The following FCN1 variants were observed in gnomAD, a reference collection of about 807,000 sequenced individuals.
FCN1 encodes the protein ficolin 1.
FCN1 carries 42 observed loss-of-function variants against 35.6 expected under a neutral mutation model. The observed-to-expected ratio is 1.18, with a 90% CI of 0.92 to 1.53. The LOEUF is 1.53. FCN1 is among the 40% of genes most tolerant of loss of function. FCN1 has a pLI of 0.00. For missense variants in FCN1, 439 were observed against 428.4 expected (o/e 1.02, Z -0.22); for synonymous variants, 179 against 169.8 (o/e 1.05, Z -0.42).
Position 134,906,587 on chromosome 9 carries a change from G to C in FCN1, c.*3211C>G, listed in dbSNP as rs1830959984. ...ATAATTTAACTTAGAAATGCAATGAGCTCAAAGTCTCTTAAATATGCCAAT... is the reference window on the plus strand; with the variant it reads ...ATAATTTAACTTAGAAATGCAATGACCTCAAAGTCTCTTAAATATGCCAAT... On this transcript the variant is annotated 3_prime_UTR_variant, in exon 9 of 9. Transcript: ENST00000371806. The C allele has an allele frequency of 2.0e-5, 3 of 152,142 alleles. No individual in the cohort carries two copies. The highest frequency in any genetic ancestry group is 4.4e-5 in the Non-Finnish European group (3 of 68,032). The allele number at this position is 152,142 out of a possible 1,614,324, so 9.4% of individuals were successfully genotyped here.
chr9:134,910,525 TG>T (rs1831010359), intron 8 of FCN1, among the ~76,000 whole-genome samples: 1 of 152,106 alleles, frequency 6.6e-6, no homozygotes, highest in African/African-American at 2.4e-5. Context: ...ACCTGCAAAA[TG>T]GGGGTGACCT....
chr9:134,914,332 C>G, intron 4 of FCN1, 53 bp downstream of exon 4: 2 of 1,560,246 alleles, frequency 1.3e-6, no homozygotes, highest in Non-Finnish European at 1.8e-6. Flanking sequence ...TCTGAGACCC[C>G]TCCCCTGGAC....
chr9:134,914,117 A>C (rs1029171319), intron 4 of FCN1, among the ~76,000 whole-genome samples: 1 of 152,244 alleles, frequency 6.6e-6, no homozygotes, highest in South Asian at 2.1e-4. Flanking sequence ...ATAAATGAGC[A>C]TAAGTAAGAC....
chr9:134,914,574 G>A (rs1831067933), intron 3 of FCN1, among the ~76,000 whole-genome samples, 154 bp from the exon 4 acceptor site: 1 of 152,162 alleles, frequency 6.6e-6, no homozygotes, highest in Admixed American at 6.5e-5. Flanking sequence ...TGGTGGGGAG[G>A]GGCCCCGAGG....
intron 5 of FCN1, among the ~76,000 whole-genome samples, 191 bp downstream of exon 5, chr9:134,913,390 G>T (rs1433873680): frequency 6.6e-6 from 1 of 152,214 alleles, no homozygotes; most frequent in Non-Finnish European, 1.5e-5. Context: ...GCCTTCTAGG[G>T]TAGATAATAG....
chr9:134,915,213 G>C (rs77198013), intron 2 of FCN1, among the ~76,000 whole-genome samples: 1 of 152,122 alleles, frequency 6.6e-6, no homozygotes, highest in African/African-American at 2.4e-5. Flanking sequence ...CACGGAGAGG[G>C]TGGGCGCCAC....
At position 134,907,692 on chromosome 9, in the gene FCN1, G is replaced by A. The variant is rs1830971398; in HGVS notation, c.*2106C>T. 2.0e-5 allele frequency: 3 copies of A among 152,176 alleles called. No individual in the cohort carries two copies. Among genetic ancestry groups the A allele is most frequent in the Admixed American group, 1.3e-4 (2 of 15,282 alleles). The allele number at this position is 152,176 out of a possible 1,614,324, so 9.4% of individuals were successfully genotyped here. A position where few individuals can be genotyped will look rare whatever the true frequency, so the allele number is the denominator to read the frequency against. On this transcript the variant is annotated 3_prime_UTR_variant, in exon 9 of 9. Coordinates refer to ENST00000371806, the MANE Select transcript of FCN1 (RefSeq NM_002003.5). ...GCTTTTGAAAAACTTTATCTACAAT[G>A]GAATCCATAGCACATACCCTCTTGA...
At chr9:134,911,047 G>A (rs1412848993) in intron 8 of FCN1, 86 bp downstream of exon 8, 2 of 1,383,560 alleles carry the variant, frequency 1.4e-6, no homozygotes, top group Non-Finnish European at 2.0e-6. Context: ...GAGAGAGGAG[G>A]GCCCAAGGTC....
At chr9:134,912,428 C>T (rs1831034561) in intron 7 of FCN1, 58 bp downstream of exon 7, 1 of 1,565,754 alleles carries the variant, frequency 6.4e-7, no homozygotes, top group African/African-American at 1.4e-5. Context: ...TGGCCCAGGC[C>T]TAAGGGGCAG....
At chr9:134,914,496 C>T in intron 3 of FCN1, 76 bp from the exon 4 acceptor site, 1 of 1,392,672 alleles carries the variant, frequency 7.2e-7, no homozygotes, top group Non-Finnish European at 1.0e-6. Flanking sequence ...AGAGTGGGCT[C>T]CCGGCCTGGA....
At chr9:134,913,445 A>G in intron 5 of FCN1, 136 bp downstream of exon 5, 4 of 702,936 alleles carry the variant, frequency 5.7e-6, no homozygotes, top group Non-Finnish European at 9.5e-6. Context: ...ATAGCTGCCC[A>G]TTACTCGAGT....
In FCN1 at chr9:134,908,979, C is replaced by A; in HGVS notation, c.*819G>T. On this transcript the variant is annotated 3_prime_UTR_variant, in exon 9 of 9. Coordinates refer to ENST00000371806, the MANE Select transcript of FCN1 (RefSeq NM_002003.5). The stretch of plus-strand genomic sequence containing the variant: ...AATGGAGTCACACTTGCCACATTCC[C>A]TTTGATGCTTCTTAGGTCGTGGTTG... The A allele has an allele frequency of 3.0e-6, 1 of 330,126 alleles. No homozygotes were observed. Among genetic ancestry groups the A allele is most frequent in the South Asian group, 2.5e-5 (1 of 40,448 alleles). The allele number at this position is 330,126 out of a possible 1,614,324, so 20.4% of individuals were successfully genotyped here.
In FCN1 at chr9:134,909,494, C is replaced by G; in HGVS notation, c.*304G>C. 1 of 1,330,552 alleles carries G rather than the reference C, an allele frequency of 7.5e-7. No individual in the cohort carries two copies. The highest frequency in any genetic ancestry group is 9.8e-7 in the Non-Finnish European group (1 of 1,015,842). 82.4% of individuals were successfully genotyped at this position (1,330,552 alleles called of 1,614,324 possible). A position where few individuals can be genotyped will look rare whatever the true frequency, so the allele number is the denominator to read the frequency against. On this transcript the variant is annotated 3_prime_UTR_variant, in exon 9 of 9. Transcript: ENST00000371806. ...AGGGTCCTGACTCTTCCCGACTTAC[C>G]AAATTCCAGGGAAAGACCTGCCGTG...
Position 134,914,788 on chromosome 9 carries a change from G to A in FCN1, c.239C>T (p.Ala80Val), listed in dbSNP as rs759096787. ...GERGERGLPG[A>V]PGKAGPVGPK... is the part of the protein sequence containing the mutation. ...CCCCACTGGTCCTGCCTTTCCAGGG[G>A]CTCCAGGGAGACCGCGTTCTCCTGA... Residue 80 changes from alanine (A) to valine (V), a missense_variant, in exon 3 of 9, where the codon GCC (alanine) becomes GTC (valine). Ala to Val is a moderately conservative substitution (Grantham distance 64). Transcript: ENST00000371806. 3.7e-6 allele frequency: 6 copies of A among 1,612,746 alleles called. No individual in the cohort carries two copies. Among genetic ancestry groups the A allele is most frequent in the African/African-American group, 2.7e-5 (2 of 75,036 alleles).
At chr9:134,915,855 G>A (rs1408242851) in intron 2 of FCN1, among the ~76,000 whole-genome samples, 3 of 152,190 alleles carry the variant, frequency 2.0e-5, no homozygotes, top group Non-Finnish European at 4.4e-5. Flanking sequence ...AAATCCACAT[G>A]CAGAGCTCAG....
In FCN1 at chr9:134,903,704, A is replaced by G. The variant is rs888308851; in HGVS notation, c.*6094T>C. ...AAAAACTAAGATTAAAAAGAAACAA[A>G]AAACAGAAGATAAGATCTACAGGCC... is the stretch of plus-strand genomic sequence containing the variant. On this transcript the variant is annotated 3_prime_UTR_variant, in exon 9 of 9. Coordinates refer to ENST00000371806, the MANE Select transcript of FCN1 (RefSeq NM_002003.5). Among the ~76,000 whole-genome samples the G allele has an allele frequency of 6.6e-6, 1 of 152,198 alleles. No individual in the cohort carries two copies. The highest frequency in any genetic ancestry group is 2.4e-5 in the African/African-American group (1 of 41,452).
chr9:134,913,698 A>G, intron 4 of FCN1, 85 bp from the exon 5 acceptor site: 1 of 1,058,816 alleles, frequency 9.4e-7, no homozygotes, highest in Non-Finnish European at 1.4e-6. Context: ...TGAGCACAGA[A>G]TAGAGAATGG....
At position 134,908,333 on chromosome 9, in the gene FCN1, A is replaced by G. The variant is rs1830979972; in HGVS notation, c.*1465T>C. The G allele has an allele frequency of 6.6e-6, 1 of 151,930 alleles. No homozygotes were observed. The highest frequency in any genetic ancestry group is 6.6e-5 in the Admixed American group (1 of 15,240). 9.4% of individuals were successfully genotyped at this position (151,930 alleles called of 1,614,324 possible). The stretch of plus-strand genomic sequence containing the variant: ...GAATTCTTTCAGGTATAAGCCTGTG[A>G]TTTATTTATTTTTGTATAAGGCATG... On this transcript the variant is annotated 3_prime_UTR_variant, in exon 9 of 9. Transcript: ENST00000371806.
rs1169479018 is a variant in FCN1, at chr9:134,907,460, C to T, written c.*2338G>A. ...CTCAAAAGTGTATAAAGCAAAAGTA[C>T]AGCTTAATTATTTTCATCACTAGTT... On this transcript the variant is annotated 3_prime_UTR_variant, in exon 9 of 9. Coordinates refer to ENST00000371806, the MANE Select transcript of FCN1 (RefSeq NM_002003.5). 6.6e-6 allele frequency: 1 copy of T among 152,144 alleles called. No individual in the cohort carries two copies. The highest frequency in any genetic ancestry group is 2.4e-5 in the African/African-American group (1 of 41,408). The allele number at this position is 152,144 out of a possible 1,614,324, so 9.4% of individuals were successfully genotyped here.
Sources: allele counts gnomAD v4.1 joint callset (sites outside exome capture counted in the v4.1 genomes callset), GRCh38; gene constraint gnomAD v4.1.1; transcripts MANE v1.5; gene names NCBI Gene and HGNC (gene_info 2026-07-23, HGNC 2026-07-21).